Variants in SNCAIP observed in about 807,000 individuals in gnomAD.
SNCAIP encodes synuclein alpha interacting protein.
A neutral mutation model predicts 86.7 loss-of-function variants in SNCAIP; 43 were observed. That is an observed-to-expected ratio of 0.50 (90% CI 0.39 to 0.64). SNCAIP has a LOEUF of 0.64. Among genes scored for constraint, SNCAIP ranks in the 30% least tolerant of loss-of-function variants. The pLI, the probability that SNCAIP is intolerant of heterozygous loss-of-function variation, is 0.00. For synonymous variants in SNCAIP, 417 were observed against 427.2 expected (o/e 0.98, Z 0.29); for missense variants, 981 against 1,103.1 (o/e 0.89, Z 1.57).
chr5:122,338,943 G>C (rs200153904), intron 1 of SNCAIP, among the ~76,000 whole-genome samples: 1 of 152,270 alleles, frequency 6.6e-6, no homozygotes, highest in East Asian at 1.9e-4. Context: ...AGCTCTCCTA[G>C]TAGATTAATA....
At chr5:122,320,500 A>G (rs1324547586) in intron 1 of SNCAIP, among the ~76,000 whole-genome samples, 1 of 152,210 alleles carries the variant, frequency 6.6e-6, no homozygotes, top group East Asian at 1.9e-4. Context: ...TAATCGAAAT[A>G]AAGCGTGGTA....
intron 1 of SNCAIP, among the ~76,000 whole-genome samples, chr5:122,359,616 C>G (rs962690980): frequency 1.3e-5 from 2 of 152,024 alleles, no homozygotes; most frequent in Admixed American, 6.6e-5. Context: ...CTGCCCACCT[C>G]GGACTCCCAA....
chr5:122,419,294 G>T (rs1053847238), intron 3 of SNCAIP, among the ~76,000 whole-genome samples: 1 of 152,172 alleles, frequency 6.6e-6, no homozygotes, highest in Non-Finnish European at 1.5e-5. Flanking sequence ...CACATTCTAA[G>T]ACTGCACCAC....
chr5:122,384,590 A>C (rs1050594629), intron 1 of SNCAIP, among the ~76,000 whole-genome samples: 5 of 152,168 alleles, frequency 3.3e-5, no homozygotes, highest in African/African-American at 1.2e-4. Context: ...TCTGTGTGAG[A>C]CTAAGTGAGC....
chr5:122,411,742 C>A (rs1261740838), intron 3 of SNCAIP, among the ~76,000 whole-genome samples: 1 of 152,094 alleles, frequency 6.6e-6, no homozygotes, highest in Non-Finnish European at 1.5e-5. Flanking sequence ...TCAGCATCAC[C>A]CAGGAGGTTG....
At chr5:122,444,895 C>G in intron 8 of SNCAIP, 163 bp downstream of exon 8, 1 of 702,074 alleles carries the variant, frequency 1.4e-6, no homozygotes, top group African/African-American at 1.7e-5. Context: ...AGCCAGCGTT[C>G]GTGCTGAAGA....
intron 2 of SNCAIP, among the ~76,000 whole-genome samples, chr5:122,399,875 C>T (rs1580999578): frequency 1.3e-5 from 2 of 152,134 alleles, no homozygotes; most frequent in East Asian, 1.9e-4. Flanking sequence ...TCGCTGGGCC[C>T]CACCCTCAGA....
Position 122,432,029 on chromosome 5 carries a change from A to T in SNCAIP, c.1243A>T (p.Ser415Cys), listed in dbSNP as rs1181850609. ...VSETEAIAEL[S>C]CSKDFPSLIH... ...CGAAACAGAAGCCATTGCAGAACTG[A>T]GTTGTTCTAAGGATTTTCCAAGCCT... The change falls in exon 6 of 11, where the codon AGT becomes TGT. Residue 415 changes from serine to cysteine, a missense_variant. Transcript: ENST00000261368. 6.2e-7 allele frequency: 1 copy of T among 1,608,250 alleles called. No homozygotes were observed. The highest frequency in any genetic ancestry group is 1.7e-5 in the Admixed American group (1 of 59,884).
chr5:122,320,415 G>T (rs776565911), intron 1 of SNCAIP, among the ~76,000 whole-genome samples: 1 of 152,154 alleles, frequency 6.6e-6, no homozygotes, highest in Non-Finnish European at 1.5e-5. Flanking sequence ...TCACAGCAGT[G>T]AGCAGACAGA....
chr5:122,333,977 C>T (rs1240851922), intron 1 of SNCAIP, among the ~76,000 whole-genome samples: 2 of 151,968 alleles, frequency 1.3e-5, no homozygotes, highest in Non-Finnish European at 2.9e-5. Context: ...GAGATGGAGG[C>T]TACAAGAAAG....
intron 9 of SNCAIP, 53 bp from the exon 10 acceptor site, chr5:122,450,480 G>C: frequency 7.9e-7 from 1 of 1,267,396 alleles, no homozygotes; most frequent in South Asian, 1.2e-5. Flanking sequence ...AGTGACTTGA[G>C]TCATTTCAAC....
At chr5:122,312,633 G>A (rs1331162294) in intron 1 of SNCAIP, 2 of 152,390 alleles carry the variant, frequency 1.3e-5, no homozygotes, top group African/African-American at 4.8e-5. Flanking sequence ...TCTTATCGCA[G>A]GCAGGGATGG....
intron 1 of SNCAIP, among the ~76,000 whole-genome samples, chr5:122,386,965 G>C (rs1478049395): frequency 6.6e-6 from 1 of 152,122 alleles, no homozygotes; most frequent in African/African-American, 2.4e-5. Flanking sequence ...GGTGTGCTGT[G>C]GGGAGAGGGG....
Position 122,450,753 on chromosome 5 carries a change from G to A in SNCAIP, c.1906G>A (p.Glu636Lys). Residue 636 changes from glutamate to lysine, a missense_variant, in exon 10 of 11, where the codon GAA (glutamate) becomes AAA (lysine). Transcript: ENST00000261368. ...AATCTCAGAAAATGTCTGCACCCAG[G>A]AAAAACTGTCCTTGGAATTCCAGGA... Reference protein sequence around the residue: ...KEISENVCTQEKLSLEFQDAQ... With the variant: ...KEISENVCTQKKLSLEFQDAQ... 6.2e-7 allele frequency: 1 copy of A among 1,614,116 alleles called. No homozygotes were observed. The highest frequency in any genetic ancestry group is 2.2e-5 in the East Asian group (1 of 44,876).
intron 5 of SNCAIP, 22 bp downstream of exon 5, chr5:122,425,553 C>T: frequency 6.3e-7 from 1 of 1,598,768 alleles, no homozygotes; most frequent in Non-Finnish European, 8.6e-7. Flanking sequence ...GGGGCTGGAA[C>T]CTCCACAGCT....
At chr5:122,336,174 A>G (rs7444144) in intron 1 of SNCAIP, among the ~76,000 whole-genome samples, 39,935 of 149,342 alleles carry the variant, frequency 0.27, 6,092 homozygotes, top group African/African-American at 0.45. Context: ...ACTGGTTATC[A>G]AGAGAGAGAG....
chr5:122,321,222 T>C (rs1286107330), intron 1 of SNCAIP: 1 of 152,242 alleles, frequency 6.6e-6, no homozygotes, highest in Non-Finnish European at 1.5e-5. Flanking sequence ...AATGGTAGCA[T>C]TTCCATATGT....
chr5:122,367,450 C>T (rs1448090896), intron 1 of SNCAIP, among the ~76,000 whole-genome samples: 4 of 152,034 alleles, frequency 2.6e-5, no homozygotes, highest in Non-Finnish European at 4.4e-5. Context: ...AGAGAAAAGA[C>T]GGGATGAAAT....
chr5:122,398,630 C>A lies in SNCAIP; in HGVS notation c.58-5163C>A, dbSNP rs1489699784. Among the ~76,000 whole-genome samples the A allele has an allele frequency of 3.3e-5, 5 of 152,098 alleles. No homozygotes were observed. The East Asian group carries it at 9.6e-4, about 29-fold the overall frequency. The stretch of plus-strand genomic sequence containing the variant: ...AATTTCACCATGGTTGTTTGGATGG[C>A]TGGCTTAATTGTTTCTTTTGGAAAC... On this transcript the variant is annotated intron_variant, in intron 2 of 10. Transcript: ENST00000261368.
Sources: gnomAD v4.1 joint callset for allele counts (sites outside exome capture counted in the v4.1 genomes callset) on GRCh38, gnomAD v4.1.1 for gene constraint, MANE v1.5 for transcripts, NCBI Gene and HGNC (gene_info 2026-07-23, HGNC 2026-07-21) for gene names.